GHR: variants seen among roughly 807,000 people sequenced by gnomAD.
GHR encodes the protein growth hormone receptor, also known as GH receptor.
Under a neutral mutation model 67.1 loss-of-function variants are expected in GHR, and 35 were observed. That is an observed-to-expected ratio of 0.52 (90% CI 0.40 to 0.69). GHR has a LOEUF of 0.69. Ranked by LOEUF, GHR falls within the 30% of genes least tolerant of loss-of-function variation. The probability of loss-of-function intolerance (pLI) is 0.00; values close to 1 mark genes in which losing one functional copy is unlikely to be tolerated. For synonymous variants in GHR, 272 were observed against 269.1 expected, an observed-to-expected ratio of 1.01 and a Z score of -0.10; for missense variants, 792 against 764.6, an observed-to-expected ratio of 1.04 and a Z score of -0.42.
At chr5:42,456,828 A>G (rs1284415528) in intron 1 of GHR, among the ~76,000 whole-genome samples, 2 of 152,218 alleles carry the variant, frequency 1.3e-5, no homozygotes, top group Non-Finnish European at 2.9e-5. Context: ...ATATGGAAAA[A>G]TCCCAGGGTC....
chr5:42,686,791 C>T (rs1325519718), intron 3 of GHR, among the ~76,000 whole-genome samples: 1 of 152,192 alleles, frequency 6.6e-6, no homozygotes, highest in Non-Finnish European at 1.5e-5. Flanking sequence ...CCTCTCTCAC[C>T]ATTCCTTTTC....
intron 1 of GHR, among the ~76,000 whole-genome samples, chr5:42,551,810 G>A (rs1186152897): frequency 6.6e-6 from 1 of 152,182 alleles, no homozygotes; most frequent in Non-Finnish European, 1.5e-5. Context: ...GATGCTCCAT[G>A]TAAACTGCCC....
intron 2 of GHR, among the ~76,000 whole-genome samples, chr5:42,600,831 A>T (rs1262743342): frequency 4.6e-5 from 7 of 152,104 alleles, no homozygotes; most frequent in African/African-American, 1.4e-4. Flanking sequence ...TTCAGTCATT[A>T]AAAAAATTCT....
At chr5:42,478,451 T>C (rs1258566498) in intron 1 of GHR, among the ~76,000 whole-genome samples, 1 of 152,154 alleles carries the variant, frequency 6.6e-6, no homozygotes, top group African/African-American at 2.4e-5. Flanking sequence ...GGGGATGGCA[T>C]TGAATCTATA....
intron 3 of GHR, among the ~76,000 whole-genome samples, chr5:42,664,698 T>A (rs1251221671): frequency 6.6e-6 from 1 of 152,144 alleles, no homozygotes; most frequent in African/African-American, 2.4e-5. Flanking sequence ...GGACTTCATG[T>A]CTAAAACACC....
intron 2 of GHR, among the ~76,000 whole-genome samples, chr5:42,623,327 G>GT (rs1044568807): frequency 3.3e-5 from 5 of 152,118 alleles, no homozygotes; most frequent in African/African-American, 1.2e-4. Flanking sequence ...TAAGTACACT[G>GT]TGAGGCGCTC....
intron 1 of GHR, among the ~76,000 whole-genome samples, chr5:42,538,536 A>G (rs1311548905): frequency 6.6e-6 from 1 of 152,236 alleles, no homozygotes; most frequent in East Asian, 1.9e-4. Flanking sequence ...GTTTCTGATG[A>G]GAAATCTGCT....
At chr5:42,525,427 T>C (rs1308479240) in intron 1 of GHR, among the ~76,000 whole-genome samples, 1 of 152,226 alleles carries the variant, frequency 6.6e-6, no homozygotes, top group East Asian at 1.9e-4. Flanking sequence ...AACAGCTGTA[T>C]TTACCCAATA....
chr5:42,511,027 C>T (rs1418292299), intron 1 of GHR, among the ~76,000 whole-genome samples: 2 of 152,164 alleles, frequency 1.3e-5, no homozygotes, highest in Non-Finnish European at 2.9e-5. Context: ...CCAATATTAT[C>T]CCACTATTTA....
At chr5:42,653,791 T>C (rs1370375773) in intron 3 of GHR, among the ~76,000 whole-genome samples, 2 of 152,162 alleles carry the variant, frequency 1.3e-5, no homozygotes, top group African/African-American at 4.8e-5. Context: ...ACAGCTGACC[T>C]GACTGCTTGT....
At chr5:42,492,117 G>A (rs1202426566) in intron 1 of GHR, among the ~76,000 whole-genome samples, 1 of 152,176 alleles carries the variant, frequency 6.6e-6, no homozygotes, top group Non-Finnish European at 1.5e-5. Context: ...AGAAGGCAGA[G>A]TGCATAATGG....
At chr5:42,618,773 G>T (rs1359029314) in intron 2 of GHR, among the ~76,000 whole-genome samples, 1 of 151,850 alleles carries the variant, frequency 6.6e-6, no homozygotes, top group Non-Finnish European at 1.5e-5. Context: ...ATGGGAATTG[G>T]CTCTGATCTT....
At chr5:42,643,512 G>A (rs1692620157) in intron 3 of GHR, among the ~76,000 whole-genome samples, 1 of 152,120 alleles carries the variant, frequency 6.6e-6, no homozygotes, top group African/African-American at 2.4e-5. Context: ...TAAACACTAA[G>A]ATTGTTAATG....
At chr5:42,609,403 T>C (rs2112666743) in intron 2 of GHR, among the ~76,000 whole-genome samples, 1 of 152,196 alleles carries the variant, frequency 6.6e-6, no homozygotes, top group East Asian at 1.9e-4. Flanking sequence ...GAGCAACAAA[T>C]GGGGAGTAAC....
chr5:42,435,580 T>C (rs1743289909), intron 1 of GHR, among the ~76,000 whole-genome samples: 1 of 152,212 alleles, frequency 6.6e-6, no homozygotes, highest in Non-Finnish European at 1.5e-5. Context: ...AGAGGTCCTG[T>C]ATATTCCTCA....
intron 3 of GHR, among the ~76,000 whole-genome samples, chr5:42,668,223 G>T (rs531479313): frequency 6.6e-6 from 1 of 152,256 alleles, no homozygotes; most frequent in East Asian, 1.9e-4. Flanking sequence ...GTTTAGATAG[G>T]CAAGGGGGTA....
intron 2 of GHR, among the ~76,000 whole-genome samples, chr5:42,589,488 T>C (rs1751664146): frequency 6.6e-6 from 1 of 152,228 alleles, no homozygotes; most frequent in African/African-American, 2.4e-5. Flanking sequence ...TTTTGTTGTC[T>C]TCATAGTATT....
intron 1 of GHR, among the ~76,000 whole-genome samples, chr5:42,485,740 CAGTTTTACAT>C (rs1490284484): frequency 1.3e-5 from 2 of 152,190 alleles, no homozygotes; most frequent in Non-Finnish European, 2.9e-5. Flanking sequence ...AATCAGAATG[CAGTTTTACAT>C]AGATTCATTA....
chr5:42,656,902 G>A (rs891735223), intron 3 of GHR, among the ~76,000 whole-genome samples: 8 of 151,966 alleles, frequency 5.3e-5, no homozygotes, highest in Non-Finnish European at 8.8e-5. Flanking sequence ...AAGGAATTTT[G>A]AGCCCATTAT....
Sources: allele counts gnomAD v4.1 joint callset (sites outside exome capture counted in the v4.1 genomes callset), GRCh38; gene constraint gnomAD v4.1.1; transcripts MANE v1.5; gene names NCBI Gene and HGNC (gene_info 2026-07-23, HGNC 2026-07-21).